The following KL variants were observed in gnomAD, a reference collection of about 807,000 sequenced individuals.
The protein encoded by KL is alpha-klotho.
In KL, 62 loss-of-function variants were observed where a neutral mutation model predicts 84.2. That is an observed-to-expected ratio of 0.74 (90% CI 0.60 to 0.91). The LOEUF (loss-of-function observed/expected upper bound fraction) is 0.91. Among genes scored for constraint, KL ranks in the 40% least tolerant of loss-of-function variants. KL has a pLI of 0.00. For synonymous variants in KL, 528 were observed against 528.0 expected, an observed-to-expected ratio of 1.00 and a Z score of 0.00; for missense variants, 1,261 against 1,305.7, an observed-to-expected ratio of 0.97 and a Z score of 0.53.
At chr13:33,017,428 G>A (rs1870411573) in intron 1 of KL, among the ~76,000 whole-genome samples, 169 bp downstream of exon 1, 2 of 152,238 alleles carry the variant, frequency 1.3e-5, no homozygotes, top group Non-Finnish European at 1.5e-5. Flanking sequence ...GGAAGGCGTG[G>A]AATTAGGAGA....
chr13:33,038,940 C>T (rs1416926856), intron 1 of KL, among the ~76,000 whole-genome samples: 2 of 152,116 alleles, frequency 1.3e-5, no homozygotes, highest in East Asian at 1.9e-4. Context: ...AAAAGCAATA[C>T]ATATTTCGTT....
chr13:33,031,782 G>A (rs1278898001), intron 1 of KL, among the ~76,000 whole-genome samples: 1 of 152,144 alleles, frequency 6.6e-6, no homozygotes, highest in Non-Finnish European at 1.5e-5. Flanking sequence ...GGTTAGAGAC[G>A]GGATTGGGGG....
chr13:33,040,303 A>G (rs544589812), intron 1 of KL, among the ~76,000 whole-genome samples: 1 of 152,294 alleles, frequency 6.6e-6, no homozygotes. Flanking sequence ...GCTTATGTAA[A>G]CACCACACAG....
At chr13:33,057,542 A>G (rs556888228) in intron 3 of KL, among the ~76,000 whole-genome samples, 39 of 152,240 alleles carry the variant, frequency 2.6e-4, no homozygotes, top group Non-Finnish European at 5.0e-4. Flanking sequence ...TTGGCCCCAG[A>G]GGTCTCTCTC....
intron 3 of KL, among the ~76,000 whole-genome samples, chr13:33,055,536 T>G (rs1464062302): frequency 3.3e-5 from 5 of 152,342 alleles, no homozygotes; most frequent in African/African-American, 1.2e-4. Context: ...ATAAATAAAT[T>G]TAAAGCATAT....
At chr13:33,028,724 A>ATTTTT (rs1271338920) in intron 1 of KL, among the ~76,000 whole-genome samples, 67 of 152,370 alleles carry the variant, frequency 4.4e-4, no homozygotes, top group Non-Finnish European at 9.0e-4. Flanking sequence ...AAGCAATGCA[A>ATTTTT]TTATGAACTT....
chr13:33,040,592 C>G (rs1871302480), intron 1 of KL, among the ~76,000 whole-genome samples: 1 of 152,088 alleles, frequency 6.6e-6, no homozygotes, highest in Non-Finnish European at 1.5e-5. Flanking sequence ...GGTCTCAGTC[C>G]ATTTAATTAA....
chr13:33,016,342 G>T, upstream of KL: 1 of 152,296 alleles, frequency 6.6e-6, no homozygotes, highest in South Asian at 1.9e-4. Flanking sequence ...GCCCGCCGGG[G>T]AGCGGGGGTG....
At chr13:33,047,427 A>C (rs1163931413) in intron 1 of KL, among the ~76,000 whole-genome samples, 2 of 149,998 alleles carry the variant, frequency 1.3e-5, no homozygotes, top group African/African-American at 4.9e-5. Flanking sequence ...ATCTTGGCTC[A>C]CTGCAATCTC....
intron 1 of KL, among the ~76,000 whole-genome samples, chr13:33,017,841 G>T (rs1387064887): frequency 6.6e-6 from 1 of 152,200 alleles, no homozygotes; most frequent in African/African-American, 2.4e-5. Flanking sequence ...ATTCACCGGG[G>T]TGTGAAGACC....
intron 1 of KL, among the ~76,000 whole-genome samples, chr13:33,039,442 G>A (rs9526998): frequency 0.14 from 20,928 of 152,092 alleles, 1,541 homozygotes; most frequent in South Asian, 0.17. Context: ...TTATTGTTGT[G>A]GGGGAGTATA....
intron 2 of KL, among the ~76,000 whole-genome samples, chr13:33,054,630 A>C (rs1159154453): frequency 6.6e-6 from 1 of 152,218 alleles, no homozygotes; most frequent in African/African-American, 2.4e-5. Context: ...TGAATAAAAC[A>C]CTTTAAAGAA....
At chr13:33,059,315 G>A (rs1005176803) in intron 3 of KL, among the ~76,000 whole-genome samples, 1 of 152,006 alleles carries the variant, frequency 6.6e-6, no homozygotes, top group African/African-American at 2.4e-5. Flanking sequence ...TTTTATTTGG[G>A]AGGATTTTAT....
intron 1 of KL, among the ~76,000 whole-genome samples, chr13:33,032,731 G>C (rs1263377924): frequency 6.6e-6 from 1 of 152,080 alleles, no homozygotes; most frequent in Non-Finnish European, 1.5e-5. Context: ...AAAGATCATG[G>C]GGCATGGGAG....
chr13:33,016,884 C>G lies in KL; in HGVS notation c.444C>G (p.Arg148=), dbSNP rs1373349319. 5 of 1,612,546 alleles carry G rather than the reference C, an allele frequency of 3.1e-6. No homozygotes were observed. The highest frequency in any genetic ancestry group is 4.2e-6 in the Non-Finnish European group (5 of 1,179,810). Residue 148 remains arginine (R), a synonymous_variant, in exon 1 of 5, where the codon CGC becomes CGG. Coordinates refer to ENST00000380099, the MANE Select transcript of KL (RefSeq NM_004795.4). ...GCGAGCTCGGGGTCACTCACTACCGCTTCTCCATCTCGTGGGCGCGAGTGC... is the reference window on the plus strand; with the variant it reads ...GCGAGCTCGGGGTCACTCACTACCGGTTCTCCATCTCGTGGGCGCGAGTGC... ...ALRELGVTHY[R]FSISWARVLP...
At chr13:33,048,820 G>A (rs1871633615) in intron 1 of KL, among the ~76,000 whole-genome samples, 1 of 152,130 alleles carries the variant, frequency 6.6e-6, no homozygotes, top group Non-Finnish European at 1.5e-5. Flanking sequence ...GTTCTGTGGG[G>A]GATACGTATA....
chr13:33,019,799 C>CAGAG (rs3831609), intron 1 of KL, among the ~76,000 whole-genome samples: 4,019 of 148,430 alleles, frequency 0.027, 209 homozygotes, highest in African/African-American at 0.094. Context: ...GGAGGAGGGA[C>CAGAG]AGAGAGAGAG....
chr13:33,028,614 G>A (rs1870863692), intron 1 of KL, among the ~76,000 whole-genome samples: 1 of 152,098 alleles, frequency 6.6e-6, no homozygotes, highest in East Asian at 1.9e-4. Flanking sequence ...CCAAAATATT[G>A]GAGGCTCATG....
At chr13:33,034,425 A>G (rs1871085323) in intron 1 of KL, among the ~76,000 whole-genome samples, 1 of 152,198 alleles carries the variant, frequency 6.6e-6, no homozygotes, top group African/African-American at 2.4e-5. Flanking sequence ...AGCGATGGGA[A>G]GGATTCTTGC....
Sources: allele counts gnomAD v4.1 joint callset (sites outside exome capture counted in the v4.1 genomes callset), GRCh38; gene constraint gnomAD v4.1.1; transcripts MANE v1.5; gene names NCBI Gene and HGNC (gene_info 2026-07-23, HGNC 2026-07-21).